The following PTGFRN variants were observed in gnomAD, a reference collection of about 807,000 sequenced individuals.
The protein encoded by PTGFRN is prostaglandin F2 receptor negative regulator.
A neutral mutation model predicts 83.2 loss-of-function variants in PTGFRN; 35 were observed. The observed-to-expected ratio is 0.42, with a 90% CI of 0.32 to 0.56. The LOEUF (loss-of-function observed/expected upper bound fraction) is 0.56, where lower values mean the gene tolerates loss of function less well. Ranked by LOEUF, PTGFRN falls within the 20% of genes least tolerant of loss-of-function variation. PTGFRN has a pLI of 0.11. For synonymous variants in PTGFRN, 519 were observed against 498.6 expected (o/e 1.04, Z -0.55); for missense variants, 1,051 against 1,179.5 (o/e 0.89, Z 1.60).
In PTGFRN at chr1:116,941,406, AG is replaced by A. The variant is rs1390711286; in HGVS notation, c.50-306del. 6.6e-6 allele frequency among the ~76,000 whole-genome samples: 1 copy of A among 152,172 alleles called. No homozygotes were observed. Among genetic ancestry groups the A allele is most frequent in the African/African-American group, 2.4e-5 (1 of 41,442 alleles). On this transcript the variant is annotated intron_variant, in intron 1 of 8. Coordinates refer to ENST00000393203, the MANE Select transcript of PTGFRN (RefSeq NM_020440.4). This position sits in a 1 kb window ranked among gnomAD's most constrained non-coding sequence, Gnocchi z 5.0. ...TATTTTTACATCACATGGAGTGGTT[AG>A]GGTGTGTTAAATAGTAACTGGAGGG...
intron 1 of PTGFRN, among the ~76,000 whole-genome samples, chr1:116,919,220 C>T (rs1316075412): frequency 6.6e-6 from 1 of 152,084 alleles, no homozygotes; most frequent in Non-Finnish European, 1.5e-5. Context: ...AGGGGTGTGA[C>T]TTAGAAGCAT....
chr1:116,962,757 G>A (rs566568344), intron 5 of PTGFRN, among the ~76,000 whole-genome samples: 8 of 152,090 alleles, frequency 5.3e-5, no homozygotes, highest in Non-Finnish European at 8.8e-5. Context: ...GTACCGCTCC[G>A]TCTAGTACTC....
At chr1:116,934,301 A>G (rs896333995) in intron 1 of PTGFRN, among the ~76,000 whole-genome samples, 33 of 151,840 alleles carry the variant, frequency 2.2e-4, no homozygotes, top group African/African-American at 7.3e-4. Flanking sequence ...GTGTGCCACC[A>G]TGCCTGGCTA....
rs569681074 is a variant in PTGFRN, at chr1:116,988,170, G to A, written c.*1203G>A. On this transcript the variant is annotated 3_prime_UTR_variant, in exon 9 of 9. Coordinates refer to ENST00000393203, the MANE Select transcript of PTGFRN (RefSeq NM_020440.4). ...TTTCAGTCCTTCAGGTCATTTTAAGGTCCACTGCAGGGGGTTAGTGAGAAA... is the reference window on the plus strand; with the variant it reads ...TTTCAGTCCTTCAGGTCATTTTAAGATCCACTGCAGGGGGTTAGTGAGAAA... The A allele has an allele frequency of 2.6e-4, 40 of 152,162 alleles. No homozygotes were observed. The highest frequency in any genetic ancestry group is 1.0e-4 in the Non-Finnish European group (7 of 68,026). 9.4% of individuals were successfully genotyped at this position (152,162 alleles called of 1,614,324 possible).
chr1:116,916,037 G>T (rs1157741212), intron 1 of PTGFRN, among the ~76,000 whole-genome samples: 2 of 152,224 alleles, frequency 1.3e-5, no homozygotes, highest in African/African-American at 4.8e-5. Flanking sequence ...ACACTGTCGT[G>T]TCCCAGCAAT....
At chr1:116,931,986 C>T (rs78129322) in intron 1 of PTGFRN, among the ~76,000 whole-genome samples, 3 of 152,178 alleles carry the variant, frequency 2.0e-5, no homozygotes, top group Non-Finnish European at 2.9e-5. Context: ...ACTGCTGATA[C>T]TTATCTTACA....
At chr1:116,981,959 AAAG>A (rs1651333230) in intron 7 of PTGFRN, among the ~76,000 whole-genome samples, 2 of 152,172 alleles carry the variant, frequency 1.3e-5, no homozygotes, top group Admixed American at 1.3e-4. Flanking sequence ...TAGAAAAGGA[AAAG>A]AAACAATCCC....
chr1:116,938,628 A>T (rs1649980899), intron 1 of PTGFRN, among the ~76,000 whole-genome samples: 1 of 152,152 alleles, frequency 6.6e-6, no homozygotes, highest in Non-Finnish European at 1.5e-5. Flanking sequence ...ACAGAGCCAA[A>T]CCATATAATT....
At chr1:116,931,305 T>G (rs1370623990) in intron 1 of PTGFRN, among the ~76,000 whole-genome samples, 1 of 152,190 alleles carries the variant, frequency 6.6e-6, no homozygotes, top group Non-Finnish European at 1.5e-5. Context: ...TATGACAGTT[T>G]GCACTGTTCC....
chr1:116,940,363 A>C (rs774893671), intron 1 of PTGFRN, among the ~76,000 whole-genome samples: 6 of 152,146 alleles, frequency 3.9e-5, no homozygotes, highest in Non-Finnish European at 4.4e-5. Flanking sequence ...CCTTATCTTC[A>C]TGTGGCTTTC....
intron 1 of PTGFRN, among the ~76,000 whole-genome samples, chr1:116,936,637 C>T (rs1196793712): frequency 6.6e-6 from 1 of 152,042 alleles, no homozygotes; most frequent in Non-Finnish European, 1.5e-5. Context: ...AAAGCAGAGG[C>T]CATGAAGCAC....
rs1030955857 is a variant in PTGFRN at position 116,961,682 on chromosome 1, T to A, written c.1639+14T>A. The stretch of plus-strand genomic sequence containing the variant: ...GGGCATTAGAAGGTAGGAACTTTTT[T>A]CTTGTTATTCATTTTTGTTTTGTCT... On this transcript the variant is annotated intron_variant, in intron 5 of 8. Coordinates refer to ENST00000393203, the MANE Select transcript of PTGFRN (RefSeq NM_020440.4). The surrounding 1 kb of genome is among the most constrained non-coding windows in gnomAD (Gnocchi z 5.4). The A allele has an allele frequency of 1.0e-5, 16 of 1,590,602 alleles. No individual in the cohort carries two copies. The highest frequency in any genetic ancestry group is 1.3e-5 in the Non-Finnish European group (15 of 1,168,456).
chr1:116,982,302 G>A (rs1651341789), intron 7 of PTGFRN, among the ~76,000 whole-genome samples: 1 of 152,140 alleles, frequency 6.6e-6, no homozygotes, highest in South Asian at 2.1e-4. Context: ...AAAAGCTATA[G>A]GTAGCTGTTA....
intron 7 of PTGFRN, among the ~76,000 whole-genome samples, chr1:116,978,520 C>T (rs1365975147): frequency 4.0e-5 from 6 of 151,710 alleles, no homozygotes; most frequent in Non-Finnish European, 7.3e-5. Context: ...AAGGCTTATA[C>T]ACCATGATCA....
In PTGFRN at chr1:116,949,273, G is replaced by A. The variant is rs1650274129; in HGVS notation, c.914G>A (p.Arg305Gln). The A allele has an allele frequency of 6.8e-6, 11 of 1,614,136 alleles. 1 individual carries two copies. The Middle Eastern group carries it at 4.9e-4, about 72-fold the overall frequency. Residue 305 changes from arginine (R) to glutamine (Q), a missense_variant, in exon 4 of 9, where the codon CGA becomes CAA. Physicochemically the swap from Arg to Gln is conservative, Grantham distance 43. Coordinates refer to ENST00000393203, the MANE Select transcript of PTGFRN (RefSeq NM_020440.4). The part of the protein sequence containing the change: ...LDLTCNITTD[R>Q]ADDVRPEVTW... ...CTGACCTGTAACATCACAACAGACC[G>A]AGCCGATGACGTCCGGCCCGAGGTG...
At chr1:116,971,865 A>G (rs996896245) in intron 6 of PTGFRN, among the ~76,000 whole-genome samples, 4 of 152,240 alleles carry the variant, frequency 2.6e-5, no homozygotes, top group African/African-American at 7.2e-5. Flanking sequence ...TAGATAATCC[A>G]TGAGATAAAA....
At chr1:116,946,670 T>C (rs962723932) in intron 3 of PTGFRN, among the ~76,000 whole-genome samples, 1 of 152,202 alleles carries the variant, frequency 6.6e-6, no homozygotes, top group Non-Finnish European at 1.5e-5. Context: ...GTTCATAATC[T>C]TTTTGTGCCA....
At chr1:116,940,815 T>A (rs990609539) in intron 1 of PTGFRN, among the ~76,000 whole-genome samples, 64 of 152,366 alleles carry the variant, frequency 4.2e-4, no homozygotes, top group African/African-American at 1.4e-3. Context: ...AGGAGCTATA[T>A]GTGTTTATTT....
intron 1 of PTGFRN, among the ~76,000 whole-genome samples, chr1:116,932,978 C>T (rs1369752127): frequency 6.6e-6 from 1 of 152,096 alleles, no homozygotes; most frequent in Non-Finnish European, 1.5e-5. Flanking sequence ...TAATAGCTAC[C>T]TTATGGTTGT....
Sources: gnomAD v4.1 joint callset for allele counts (sites outside exome capture counted in the v4.1 genomes callset) on GRCh38, gnomAD v4.1.1 for gene constraint, Gnocchi (gnomAD v3.1) non-coding constraint, MANE v1.5 for transcripts, NCBI Gene and HGNC (gene_info 2026-07-23, HGNC 2026-07-21) for gene names.